The following RNF213 variants were observed in gnomAD, a reference collection of about 807,000 sequenced individuals.
RNF213 encodes the protein E3 ubiquitin-protein ligase RNF213.
In RNF213, 341 loss-of-function variants were observed where a neutral mutation model predicts 514.4. That is an observed-to-expected ratio of 0.66 (90% CI 0.61 to 0.73). The LOEUF (loss-of-function observed/expected upper bound fraction) is 0.73, where lower values mean the gene tolerates loss of function less well. Among genes scored for constraint, RNF213 ranks in the 30% least tolerant of loss-of-function variants. RNF213 has a pLI of 0.00. For missense variants in RNF213, 5,767 were observed against 6,615.6 expected (o/e 0.87, Z 4.45); for synonymous variants, 2,655 against 2,658.2 (o/e 1.00, Z 0.04).
At chr17:80,293,720 G>A (rs112589147) in intron 8 of RNF213, among the ~76,000 whole-genome samples, 1,707 of 152,162 alleles carry the variant, frequency 0.011, 25 homozygotes, top group African/African-American at 0.039. Flanking sequence ...CCAGCTACTC[G>A]GGAGGCTGAG....
At chr17:80,295,523 T>C (rs370685808) in intron 9 of RNF213, 34 bp from the exon 10 acceptor site, 7 of 1,613,508 alleles carry the variant, frequency 4.3e-6, no homozygotes, top group Non-Finnish European at 5.9e-6. Flanking sequence ...TTCAAGTCCA[T>C]GGTTCATGCA....
At chr17:80,354,789 C>A in intron 36 of RNF213, 1 of 613,284 alleles carries the variant, frequency 1.6e-6, no homozygotes, top group Non-Finnish European at 2.9e-6. Flanking sequence ...CCTCTAATTT[C>A]GTGTTTACAG....
chr17:80,280,087 C>CT (rs1445999340), intron 3 of RNF213, among the ~76,000 whole-genome samples: 2 of 151,110 alleles, frequency 1.3e-5, no homozygotes, highest in African/African-American at 2.5e-5. Flanking sequence ...CAGGCATGCT[C>CT]TTTCCTCTGT....
chr17:80,360,340 C>A, intron 38 of RNF213, 134 bp downstream of exon 38: 2 of 998,406 alleles, frequency 2.0e-6, no homozygotes, highest in Non-Finnish European at 1.5e-6. Flanking sequence ...TTTGTTTGTG[C>A]AGTAAGCGTC....
At chr17:80,284,874 T>C (rs1285467552) in intron 3 of RNF213, among the ~76,000 whole-genome samples, 1 of 152,194 alleles carries the variant, frequency 6.6e-6, no homozygotes, top group African/African-American at 2.4e-5. Context: ...TCAAATCTCA[T>C]TGGCTCTGAT....
intron 3 of RNF213, among the ~76,000 whole-genome samples, chr17:80,280,360 T>C (rs888609047): frequency 6.6e-6 from 1 of 152,232 alleles, no homozygotes; most frequent in African/African-American, 2.4e-5. Flanking sequence ...GGTTTAGCAC[T>C]GCAGAGATGT....
Position 80,264,846 on chromosome 17 carries a change from T to C in RNF213, c.97+1068T>C, listed in dbSNP as rs12943001. Among the ~76,000 whole-genome samples, 108,536 of 151,766 alleles carry C rather than the reference T, an allele frequency of 0.72. 39,875 individuals carry two copies. Among genetic ancestry groups the C allele is most frequent in the African/African-American group, 0.9 (37,282 of 41,420 alleles). On this transcript the variant is annotated intron_variant, in intron 2 of 67. Coordinates refer to ENST00000582970, the MANE Select transcript of RNF213 (RefSeq NM_001256071.3). The surrounding 1 kb of genome is among the most constrained non-coding windows in gnomAD (Gnocchi z 5.0). ...CCATTCCTCTTGGCTCCCTCTCCTGTCCCCAGAGCCCACCACCTTCTGGCC... is the reference window on the plus strand; with the variant it reads ...CCATTCCTCTTGGCTCCCTCTCCTGCCCCCAGAGCCCACCACCTTCTGGCC...
At chr17:80,270,082 T>C (rs527901044) in intron 2 of RNF213, among the ~76,000 whole-genome samples, 1 of 152,354 alleles carries the variant, frequency 6.6e-6, no homozygotes, top group East Asian at 1.9e-4. Context: ...TGTCCTCTTC[T>C]AGACATCTCC....
chr17:80,390,256 A>T, intron 67 of RNF213, 60 bp downstream of exon 67: 1 of 1,533,782 alleles, frequency 6.5e-7, no homozygotes, highest in Non-Finnish European at 9.0e-7. Flanking sequence ...CTCTCCTGTG[A>T]TCTTCTATAG....
chr17:80,380,862 G>A lies in RNF213; in HGVS notation c.13672G>A (p.Val4558Met). The A allele has an allele frequency of 6.2e-7, 1 of 1,614,196 alleles. No individual in the cohort carries two copies. The highest frequency in any genetic ancestry group is 8.5e-7 in the Non-Finnish European group (1 of 1,180,028). The change falls in exon 56 of 68, where the codon GTG becomes ATG. Residue 4558 changes from valine to methionine, a missense_variant. Coordinates refer to ENST00000582970, the MANE Select transcript of RNF213 (RefSeq NM_001256071.3). ...GGCAGACAGAACGCAGACCGGCCACGTGCTGGGCAACCCGCAGCGGAGAGA... is the reference window on the plus strand; with the variant it reads ...GGCAGACAGAACGCAGACCGGCCACATGCTGGGCAACCCGCAGCGGAGAGA... ...DKADRTQTGH[V>M]LGNPQRRDVV...
chr17:80,342,949 G>A (rs1020515846), intron 26 of RNF213, among the ~76,000 whole-genome samples, 183 bp from the exon 27 acceptor site: 4 of 151,424 alleles, frequency 2.6e-5, no homozygotes, highest in Non-Finnish European at 2.9e-5. Flanking sequence ...GGGATTACAG[G>A]TGCCTGCCAC....
chr17:80,289,730 G>A lies in RNF213; in HGVS notation c.1005G>A (p.Glu335=). The change falls in exon 6 of 68, where the codon GAG becomes GAA. Residue 335 remains glutamate, a synonymous_variant. Coordinates refer to ENST00000582970, the MANE Select transcript of RNF213 (RefSeq NM_001256071.3). ...EEKVGKNEQG[E]PEDLKKPEGK... ...AAGTCGGTAAGAATGAACAAGGGGA[G>A]CCTGAAGACCTCAAGAAGCCAGAGG... The A allele has an allele frequency of 6.2e-7, 1 of 1,614,060 alleles. No individual in the cohort carries two copies. The highest frequency in any genetic ancestry group is 1.1e-5 in the South Asian group (1 of 91,070).
At chr17:80,303,500 C>T (rs2045250352) in intron 11 of RNF213, among the ~76,000 whole-genome samples, 1 of 151,912 alleles carries the variant, frequency 6.6e-6, no homozygotes, top group African/African-American at 2.4e-5. Flanking sequence ...GTGTTACGGT[C>T]TTGCCTTTAG....
chr17:80,357,813 AAAAAAT>A, intron 36 of RNF213, among the ~76,000 whole-genome samples: 1 of 152,286 alleles, frequency 6.6e-6, no homozygotes, highest in East Asian at 1.9e-4. Context: ...CCATCTCAAC[AAAAAAT>A]AAAATAAAAT....
Position 80,352,954 on chromosome 17 carries a change from G to A in RNF213, c.10318G>A (p.Val3440Ile). 1 of 1,613,900 alleles carries A rather than the reference G, an allele frequency of 6.2e-7. No homozygotes were observed. The highest frequency in any genetic ancestry group is 8.5e-7 in the Non-Finnish European group (1 of 1,179,986). The change falls in exon 33 of 68, where the codon GTC becomes ATC. Residue 3440 changes from valine (V) to isoleucine (I), a missense_variant. Physicochemically the swap from Val to Ile is conservative, Grantham distance 29 (BLOSUM62 3). Coordinates refer to ENST00000582970, the MANE Select transcript of RNF213 (RefSeq NM_001256071.3). ...VGFHGGLWQS[V>I]HIDDLRRSTL... is the part of the protein sequence containing the mutation. ...ACTCTTCACAGGGCTGTGGCAGTCTGTCCACATCGATGACCTCCGGAGATC... is the reference window on the plus strand; with the variant it reads ...ACTCTTCACAGGGCTGTGGCAGTCTATCCACATCGATGACCTCCGGAGATC...
At chr17:80,323,626 C>T (rs1334630745) in intron 17 of RNF213, among the ~76,000 whole-genome samples, 1 of 151,860 alleles carries the variant, frequency 6.6e-6, no homozygotes, top group African/African-American at 2.4e-5. Flanking sequence ...CCATGCCTGG[C>T]TAATTTTTGT....
Position 80,343,404 on chromosome 17 carries a change from G to C in RNF213, c.6183+79G>C. ...ATGTCTCTGCGTGACTCCTCCCCGT[G>C]TATAGAATTCCTTGTTTCCACACGC... On this transcript the variant is annotated intron_variant, in intron 27 of 67. Coordinates refer to ENST00000582970, the MANE Select transcript of RNF213 (RefSeq NM_001256071.3). The surrounding 1 kb of genome is among the most constrained non-coding windows in gnomAD (Gnocchi z 4.3). The C allele has an allele frequency of 8.0e-7, 1 of 1,246,430 alleles. No homozygotes were observed. The highest frequency in any genetic ancestry group is 1.9e-5 in the Admixed American group (1 of 51,590). The allele number at this position is 1,246,430 out of a possible 1,614,324, so 77.2% of individuals were successfully genotyped here. A position where few individuals can be genotyped will look rare whatever the true frequency, so the allele number is the denominator to read the frequency against.
chr17:80,274,078 G>A (rs1013789477), intron 3 of RNF213, among the ~76,000 whole-genome samples: 1 of 152,102 alleles, frequency 6.6e-6, no homozygotes, highest in Admixed American at 6.6e-5. Context: ...TTGCTGCTTC[G>A]GGGCAGGGAC....
intron 14 of RNF213, among the ~76,000 whole-genome samples, chr17:80,311,397 C>G (rs921570448): frequency 6.6e-6 from 1 of 152,196 alleles, no homozygotes; most frequent in East Asian, 1.9e-4. Flanking sequence ...TTGGCCATCG[C>G]TGTCCAGCCC....
Sources: allele counts gnomAD v4.1 joint callset (sites outside exome capture counted in the v4.1 genomes callset), GRCh38; gene constraint gnomAD v4.1.1; non-coding constraint Gnocchi (gnomAD v3.1); transcripts MANE v1.5; gene names NCBI Gene and HGNC (gene_info 2026-07-23, HGNC 2026-07-21).